SMYD3: variants seen among roughly 807,000 people sequenced by gnomAD.
SMYD3 encodes the protein histone-lysine N-methyltransferase SMYD3.
A neutral mutation model predicts 57.7 loss-of-function variants in SMYD3; 36 were observed. The ratio of observed to expected loss-of-function variants is 0.62; its 90% CI spans 0.48 to 0.82. The LOEUF (loss-of-function observed/expected upper bound fraction) is 0.82, where lower values mean the gene tolerates loss of function less well. SMYD3 is among the 40% of genes least tolerant of loss of function. SMYD3 has a pLI of 0.00. For missense variants in SMYD3, 515 were observed against 538.8 expected (o/e 0.96, Z 0.44); for synonymous variants, 211 against 195.0 (o/e 1.08, Z -0.68).
chr1:246,029,853 G>A (rs2059639567), intron 5 of SMYD3, among the ~76,000 whole-genome samples: 1 of 151,952 alleles, frequency 6.6e-6, no homozygotes, highest in Non-Finnish European at 1.5e-5. Context: ...ACATGCTGGT[G>A]AAAATGCAGA....
intron 10 of SMYD3, among the ~76,000 whole-genome samples, chr1:245,764,748 T>G (rs1481797335): frequency 6.6e-6 from 1 of 152,108 alleles, no homozygotes; most frequent in Non-Finnish European, 1.5e-5. Flanking sequence ...CCATCTGCGT[T>G]CTCCATGATG....
At chr1:246,146,103 T>C (rs1346155277) in intron 5 of SMYD3, among the ~76,000 whole-genome samples, 2 of 152,140 alleles carry the variant, frequency 1.3e-5, no homozygotes, top group African/African-American at 4.8e-5. Flanking sequence ...ATCCCTGCCC[T>C]CAGGGAGCTT....
At chr1:245,987,820 T>C (rs542973782) in intron 5 of SMYD3, among the ~76,000 whole-genome samples, 1 of 152,292 alleles carries the variant, frequency 6.6e-6, no homozygotes, top group South Asian at 2.1e-4. Flanking sequence ...GTTTGTAACA[T>C]GGAAGACAGA....
intron 5 of SMYD3, among the ~76,000 whole-genome samples, chr1:246,287,151 C>T (rs1235860616): frequency 1.3e-5 from 2 of 152,116 alleles, no homozygotes; most frequent in East Asian, 1.9e-4. Flanking sequence ...GGATTATAGG[C>T]GTGAGCCACA....
chr1:246,070,022 T>G (rs571441556), intron 5 of SMYD3, among the ~76,000 whole-genome samples: 9 of 152,258 alleles, frequency 5.9e-5, no homozygotes, highest in African/African-American at 2.2e-4. Flanking sequence ...TAGGCCTAAA[T>G]CTGTGTTCAG....
rs2062575311 is a variant in SMYD3 at position 246,182,812 on chromosome 1, T to C, written c.531+144389A>G. On this transcript the variant is annotated intron_variant, in intron 5 of 11. Transcript: ENST00000490107. ...CACAATGCCTCTCCTCCCCAGACAC[T>C]CATTCCTATGTTCAACATCACTTCC... 2.6e-5 allele frequency among the ~76,000 whole-genome samples: 4 copies of C among 152,114 alleles called. No individual in the cohort carries two copies. In the South Asian group the frequency reaches 8.3e-4, roughly 32 times the overall value.
chr1:246,265,306 AT>A (rs78360899), intron 5 of SMYD3, among the ~76,000 whole-genome samples: 31,566 of 148,042 alleles, frequency 0.21, 3,965 homozygotes, highest in East Asian at 0.57. Context: ...TAATTTTTGT[AT>A]TTTTTTTTTT....
intron 1 of SMYD3, among the ~76,000 whole-genome samples, chr1:246,447,538 C>T (rs556419142): frequency 2.0e-5 from 3 of 152,312 alleles, no homozygotes; most frequent in Admixed American, 6.5e-5. Context: ...TCAGAGGCCA[C>T]GCACCTGAAG....
intron 1 of SMYD3, among the ~76,000 whole-genome samples, chr1:246,488,463 G>A (rs1340233691): frequency 6.6e-6 from 1 of 152,234 alleles, no homozygotes; most frequent in Non-Finnish European, 1.5e-5. Context: ...GAGGCGGGCA[G>A]ATCACCTGAG....
intron 9 of SMYD3, among the ~76,000 whole-genome samples, chr1:245,859,368 C>T (rs927203999): frequency 1.3e-5 from 2 of 152,156 alleles, no homozygotes; most frequent in African/African-American, 2.4e-5. Context: ...GCAAGGGAAA[C>T]GATGCTTTAA....
chr1:246,370,005 G>A (rs1342204507), intron 1 of SMYD3, among the ~76,000 whole-genome samples: 3 of 152,172 alleles, frequency 2.0e-5, no homozygotes, highest in Admixed American at 6.6e-5. Context: ...CCAGCACTTT[G>A]GGAAAAGCAC....
At chr1:246,250,453 C>T (rs1384070469) in intron 5 of SMYD3, among the ~76,000 whole-genome samples, 1 of 152,104 alleles carries the variant, frequency 6.6e-6, no homozygotes, top group Non-Finnish European at 1.5e-5. Flanking sequence ...TAAATCTTCA[C>T]CAGTCCAAAC....
intron 5 of SMYD3, among the ~76,000 whole-genome samples, chr1:246,003,104 T>C (rs529412156): frequency 2.4e-4 from 36 of 152,224 alleles, no homozygotes; most frequent in African/African-American, 7.9e-4. Flanking sequence ...AGAGATATGA[T>C]GGAAGAGGCG....
intron 5 of SMYD3, among the ~76,000 whole-genome samples, chr1:246,002,241 G>A (rs1397243135): frequency 2.7e-5 from 4 of 145,666 alleles, no homozygotes; most frequent in Non-Finnish European, 3.0e-5. Context: ...CTGGAGTGCT[G>A]TGGCGCGATC....
intron 5 of SMYD3, among the ~76,000 whole-genome samples, chr1:246,236,392 G>A (rs186597117): frequency 7.9e-5 from 12 of 151,926 alleles, no homozygotes; most frequent in Non-Finnish European, 4.4e-5. Flanking sequence ...ACCACACCTG[G>A]CTAACTTTTT....
chr1:245,795,784 G>T (rs186988591), intron 10 of SMYD3, among the ~76,000 whole-genome samples: 15 of 152,250 alleles, frequency 9.9e-5, no homozygotes, highest in Admixed American at 2.6e-4. Flanking sequence ...AAAGAGCCAA[G>T]CACTGAACGC....
intron 7 of SMYD3, among the ~76,000 whole-genome samples, chr1:245,920,702 G>A (rs902356081): frequency 3.3e-5 from 5 of 152,174 alleles, no homozygotes; most frequent in Non-Finnish European, 7.3e-5. Flanking sequence ...TAAGCAATGA[G>A]CAAAGGACAT....
intron 11 of SMYD3, among the ~76,000 whole-genome samples, chr1:245,761,791 T>TC (rs1318987933): frequency 3.4e-5 from 5 of 147,796 alleles, no homozygotes; most frequent in Non-Finnish European, 3.0e-5. Context: ...TGAGTCTTTT[T>TC]TTTTTTTTTT....
At chr1:245,795,565 T>A in intron 10 of SMYD3, among the ~76,000 whole-genome samples, 1 of 152,220 alleles carries the variant, frequency 6.6e-6, no homozygotes, top group Admixed American at 6.5e-5. Flanking sequence ...CCTAGCTATA[T>A]CTTTTTAATT....
Sources: gnomAD v4.1 joint callset for allele counts (sites outside exome capture counted in the v4.1 genomes callset) on GRCh38, gnomAD v4.1.1 for gene constraint, MANE v1.5 for transcripts, NCBI Gene and HGNC (gene_info 2026-07-23, HGNC 2026-07-21) for gene names.